CEACAM5: variants seen among roughly 807,000 people sequenced by gnomAD.
The protein encoded by CEACAM5 is cell adhesion molecule CEACAM5.
Under a neutral mutation model 63.0 loss-of-function variants are expected in CEACAM5, and 52 were observed. The observed-to-expected ratio is 0.83, with a 90% CI of 0.66 to 1.04. CEACAM5 has a LOEUF of 1.04. Ranked by LOEUF, CEACAM5 falls within the 50% of genes least tolerant of loss-of-function variation. The probability of loss-of-function intolerance (pLI) is 0.00; values close to 1 mark genes in which losing one functional copy is unlikely to be tolerated. For missense variants in CEACAM5, 790 were observed against 864.8 expected (o/e 0.91, Z 1.08); for synonymous variants, 357 against 351.3 (o/e 1.02, Z -0.18).
intron 2 of CEACAM5, among the ~76,000 whole-genome samples, chr19:41,710,924 A>T (rs2072425815): frequency 6.6e-6 from 1 of 152,200 alleles, no homozygotes; most frequent in African/African-American, 2.4e-5. Flanking sequence ...CACTTATCCT[A>T]CTTATTGAAA....
intron 4 of CEACAM5, 123 bp from the exon 5 acceptor site, chr19:41,717,332 T>C: frequency 9.6e-7 from 1 of 1,038,330 alleles, no homozygotes; most frequent in Non-Finnish European, 1.4e-6. Flanking sequence ...CACACACACC[T>C]GCCATGAGCT....
At position 41,719,994 on chromosome 19, in the gene CEACAM5, G is replaced by A. The variant is rs1337818260; in HGVS notation, c.1557G>A (p.Val519=). Residue 519 remains valine (V), a synonymous_variant, in exon 7 of 10, where the codon GTG becomes GTA. Transcript: ENST00000221992. ...AACCCGTGGAGGACAAGGATGCTGT[G>A]GCCTTCACCTGTGAACCTGAGGCTC... is the stretch of plus-strand genomic sequence containing the variant. ...NSKPVEDKDA[V]AFTCEPEAQN... is the part of the protein sequence containing the mutation. 9 of 1,614,106 alleles carry A rather than the reference G, an allele frequency of 5.6e-6. No individual in the cohort carries two copies. Among genetic ancestry groups the A allele is most frequent in the Non-Finnish European group, 6.8e-6 (8 of 1,180,058 alleles).
At chr19:41,722,311 C>A (rs1555816374) in intron 8 of CEACAM5, among the ~76,000 whole-genome samples, 1 of 149,400 alleles carries the variant, frequency 6.7e-6, no homozygotes, top group East Asian at 2.0e-4. Context: ...TTGCAGTGAG[C>A]CGAGATTGAG....
chr19:41,727,163 C>A (rs1199225697), intron 8 of CEACAM5, 71 bp from the exon 9 acceptor site: 2 of 1,137,730 alleles, frequency 1.8e-6, no homozygotes, highest in Non-Finnish European at 1.3e-6. Context: ...AGAGCTGGAA[C>A]CTGGGGCACC....
chr19:41,720,898 G>C, intron 7 of CEACAM5, 24 bp from the exon 8 acceptor site: 1 of 1,613,112 alleles, frequency 6.2e-7, no homozygotes, highest in Non-Finnish European at 8.5e-7. Flanking sequence ...GACATCACCT[G>C]TGGCTTTGTT....
chr19:41,728,648 A>C (rs547531441), intron 9 of CEACAM5, among the ~76,000 whole-genome samples: 1 of 152,118 alleles, frequency 6.6e-6, no homozygotes, highest in African/African-American at 2.4e-5. Context: ...TCAGCTGGGC[A>C]TGGTGGCACG....
intron 9 of CEACAM5, among the ~76,000 whole-genome samples, chr19:41,727,920 C>T (rs2072721841): frequency 6.6e-6 from 1 of 152,156 alleles, no homozygotes; most frequent in Non-Finnish European, 1.5e-5. Flanking sequence ...GCCTCTCCAC[C>T]CCACATGTAC....
At chr19:41,709,523 C>A (rs545197847) in intron 1 of CEACAM5, among the ~76,000 whole-genome samples, 157 bp from the exon 2 acceptor site, 1 of 145,288 alleles carries the variant, frequency 6.9e-6, no homozygotes, top group East Asian at 2.0e-4. Flanking sequence ...ACACTGCTGA[C>A]CTTGACCTAG....
chr19:41,718,196 T>A lies in CEACAM5; in HGVS notation c.1306T>A (p.Ser436Thr). The A allele has an allele frequency of 6.2e-7, 1 of 1,614,198 alleles. No homozygotes were observed. The highest frequency in any genetic ancestry group is 2.2e-5 in the East Asian group (1 of 44,890). The change falls in exon 6 of 10, where the codon TCC (serine) becomes ACC (threonine). Residue 436 changes from serine to threonine, a missense_variant. Physicochemically the swap from Ser to Thr is moderately conservative, Grantham distance 58. Transcript: ENST00000221992. Reference protein sequence around the residue: ...YYRPGVNLSLSCHAASNPPAQ... With the variant: ...YYRPGVNLSLTCHAASNPPAQ... ...CCGTCCAGGGGTGAACCTCAGCCTCTCCTGCCATGCAGCCTCTAACCCACC... is the reference window on the plus strand; with the variant it reads ...CCGTCCAGGGGTGAACCTCAGCCTCACCTGCCATGCAGCCTCTAACCCACC...
intron 2 of CEACAM5, among the ~76,000 whole-genome samples, chr19:41,713,988 G>A (rs926735199): frequency 6.6e-6 from 1 of 152,174 alleles, no homozygotes. Flanking sequence ...GCCAAGGTGG[G>A]CAGAACACCT....
intron 1 of CEACAM5, among the ~76,000 whole-genome samples, chr19:41,709,081 C>T (rs533603769): frequency 2.4e-4 from 36 of 152,330 alleles, no homozygotes; most frequent in African/African-American, 8.2e-4. Flanking sequence ...ATAACCAGGG[C>T]ATGAAACACT....
chr19:41,717,468 AC>A lies in CEACAM5; in HGVS notation c.975del (p.Phe326SerfsTer16), dbSNP rs35578221. On this transcript the variant is annotated frameshift_variant, in exon 5 of 10. Coordinates refer to ENST00000221992, the MANE Select transcript of CEACAM5 (RefSeq NM_004363.6). LOFTEE classifies it high-confidence loss of function. ...TTATCTGCACAGCAGAGCCACCCAA[AC>A]CCTTCATCACCAGCAACAACTCCAA... ...TITVYAEPPK[P>X]FITSNNSNPV... is the part of the protein sequence containing the mutation. The A allele has an allele frequency of 6.2e-7, 1 of 1,613,440 alleles. No individual in the cohort carries two copies. Among genetic ancestry groups the A allele is most frequent in the African/African-American group, 1.3e-5 (1 of 74,828 alleles).
At chr19:41,713,869 A>G (rs868977759) in intron 2 of CEACAM5, among the ~76,000 whole-genome samples, 2 of 152,316 alleles carry the variant, frequency 1.3e-5, no homozygotes, top group South Asian at 4.1e-4. Flanking sequence ...GTATTTATGG[A>G]GAGATCCACA....
chr19:41,714,635 A>G (rs540955729), intron 2 of CEACAM5, among the ~76,000 whole-genome samples: 1 of 152,304 alleles, frequency 6.6e-6, no homozygotes, highest in Non-Finnish European at 1.5e-5. Context: ...CCAGGTGAGG[A>G]CCCTACAGTG....
chr19:41,726,064 ATGAC>A (rs1278401762), intron 8 of CEACAM5, among the ~76,000 whole-genome samples: 1 of 152,248 alleles, frequency 6.6e-6, no homozygotes, highest in Non-Finnish European at 1.5e-5. Flanking sequence ...TGCAATAAGA[ATGAC>A]TGTTTAACAG....
intron 9 of CEACAM5, among the ~76,000 whole-genome samples, chr19:41,727,805 G>A (rs1400776433): frequency 6.6e-6 from 1 of 152,152 alleles, no homozygotes; most frequent in African/African-American, 2.4e-5. Context: ...TGGTGTATTA[G>A]ATAAGTTCAC....
At chr19:41,723,782 C>T (rs1196295737) in intron 8 of CEACAM5, among the ~76,000 whole-genome samples, 1 of 151,800 alleles carries the variant, frequency 6.6e-6, no homozygotes, top group Non-Finnish European at 1.5e-5. Flanking sequence ...CCCGTCTCTA[C>T]TAAAAATACA....
At chr19:41,726,247 C>A (rs2072698120) in intron 8 of CEACAM5, among the ~76,000 whole-genome samples, 1 of 152,198 alleles carries the variant, frequency 6.6e-6, no homozygotes, top group Non-Finnish European at 1.5e-5. Flanking sequence ...AATTATATGA[C>A]TTTGGATAAG....
chr19:41,715,129 A>C lies in CEACAM5; in HGVS notation c.583A>C (p.Asn195His), dbSNP rs1555814676. The change falls in exon 3 of 10, where the codon AAT becomes CAT. Residue 195 changes from asparagine to histidine, a missense_variant. Asn to His is a moderately conservative substitution (Grantham distance 68). Coordinates refer to ENST00000221992, the MANE Select transcript of CEACAM5 (RefSeq NM_004363.6). The stretch of plus-strand genomic sequence containing the variant: ...GGTCAGTCCCAGGCTGCAGCTGTCC[A>C]ATGGCAACAGGACCCTCACTCTATT... ...LPVSPRLQLS[N>H]GNRTLTLFNV... 1 of 1,614,218 alleles carries C rather than the reference A, an allele frequency of 6.2e-7. No individual in the cohort carries two copies. Among genetic ancestry groups the C allele is most frequent in the Non-Finnish European group, 8.5e-7 (1 of 1,180,032 alleles).
Sources: gnomAD v4.1 joint callset for allele counts (sites outside exome capture counted in the v4.1 genomes callset) on GRCh38, gnomAD v4.1.1 for gene constraint, MANE v1.5 for transcripts, NCBI Gene and HGNC (gene_info 2026-07-23, HGNC 2026-07-21) for gene names.